ARPC1B: variants seen among roughly 807,000 people sequenced by gnomAD.
The protein encoded by ARPC1B is actin related protein 2/3 complex subunit 1B, also known as actin-related protein 2/3 complex subunit 1B.
ARPC1B carries 29 observed loss-of-function variants against 46.0 expected under a neutral mutation model. The ratio of observed to expected loss-of-function variants is 0.63; its 90% CI spans 0.47 to 0.86. The LOEUF (loss-of-function observed/expected upper bound fraction) is 0.86, where lower values mean the gene tolerates loss of function less well. Ranked by LOEUF, ARPC1B falls within the 40% of genes least tolerant of loss-of-function variation. The probability of loss-of-function intolerance (pLI) is 0.00; values close to 1 mark genes in which losing one functional copy is unlikely to be tolerated. For missense variants in ARPC1B, 469 were observed against 529.4 expected, an observed-to-expected ratio of 0.89 and a Z score of 1.12; for synonymous variants, 201 against 213.9, an observed-to-expected ratio of 0.94 and a Z score of 0.53.
Position 99,394,095 on chromosome 7 carries a change from C to CGGCATGAGTATCTGGGATGTGAA in ARPC1B, c.1059_1080+1dup, listed in dbSNP as rs1562819864. On this transcript the variant is annotated frameshift_variant, in exon 9 of 10. Coordinates refer to ENST00000646101, the MANE Select transcript of ARPC1B (RefSeq NM_005720.4). LOFTEE classifies it high-confidence loss of function. ...AGTTCTGCACCACTGGCATGGATGG[C>CGGCATGAGTATCTGGGATGTGAA]GGCATGAGTATCTGGGATGTGAAGG... The CGGCATGAGTATCTGGGATGTGAA allele has an allele frequency of 1.2e-6, 2 of 1,613,624 alleles. No homozygotes were observed. The highest frequency in any genetic ancestry group is 1.7e-6 in the Non-Finnish European group (2 of 1,180,022).
chr7:99,390,792 G>C, intron 5 of ARPC1B, 101 bp from the exon 6 acceptor site: 20 of 1,051,952 alleles, frequency 1.9e-5, no homozygotes, highest in Non-Finnish European at 2.8e-5. Flanking sequence ...TGACCTCCTG[G>C]GTTCAAGCAA....
At chr7:99,375,462 C>A (rs1219300041) in intron 1 of ARPC1B, among the ~76,000 whole-genome samples, 1 of 152,188 alleles carries the variant, frequency 6.6e-6, no homozygotes, top group Non-Finnish European at 1.5e-5. Flanking sequence ...GCGGCCAGGG[C>A]AGATCCGAGC....
chr7:99,382,745 G>T (rs1794265904), intron 1 of ARPC1B, among the ~76,000 whole-genome samples: 1 of 150,456 alleles, frequency 6.6e-6, no homozygotes. Flanking sequence ...AAGTACTGGG[G>T]TTACAGGCAT....
chr7:99,385,820 C>T, intron 2 of ARPC1B, 42 bp downstream of exon 2: 1 of 1,573,288 alleles, frequency 6.4e-7, no homozygotes, highest in Admixed American at 1.8e-5. Context: ...GCTTCCACCT[C>T]CTGGGATGGG....
chr7:99,392,811 G>T lies in ARPC1B; in HGVS notation c.924G>T (p.Lys308Asn). The T allele has an allele frequency of 6.5e-7, 1 of 1,550,200 alleles. No individual in the cohort carries two copies. The highest frequency in any genetic ancestry group is 8.7e-7 in the Non-Finnish European group (1 of 1,146,774). Residue 308 changes from lysine to asparagine, a missense_variant, in exon 8 of 10, where the codon AAG becomes AAT. Lys to Asn is a moderately conservative substitution (Grantham distance 94). Transcript: ENST00000646101. ...AGCGCTTCCAGAACCTGGACAAGAA[G>T]GCGAGCTCCGAGGGTGGCACGGCTG... ...ARERFQNLDK[K>N]ASSEGGTAAG...
intron 4 of ARPC1B, chr7:99,389,618 T>C: frequency 2.7e-6 from 1 of 364,708 alleles, no homozygotes; most frequent in Non-Finnish European, 5.1e-6. Flanking sequence ...GGCCAGTTAG[T>C]AGTTGTGTGA....
intron 8 of ARPC1B, 97 bp from the exon 9 acceptor site, chr7:99,393,932 C>A: frequency 1.6e-6 from 2 of 1,251,114 alleles, no homozygotes; most frequent in Non-Finnish European, 1.2e-6. Flanking sequence ...CACTAAAGCC[C>A]GCTCCCCAAG....
At chr7:99,381,293 AACAT>A (rs1250887484) in intron 1 of ARPC1B, among the ~76,000 whole-genome samples, 2 of 152,164 alleles carry the variant, frequency 1.3e-5, no homozygotes, top group Non-Finnish European at 2.9e-5. Flanking sequence ...TGCAAGGCTG[AACAT>A]ACATGTGTGC....
At chr7:99,379,098 C>G (rs1794129554) in intron 1 of ARPC1B, among the ~76,000 whole-genome samples, 1 of 152,260 alleles carries the variant, frequency 6.6e-6, no homozygotes, top group Non-Finnish European at 1.5e-5. Flanking sequence ...TTTCAAGTTC[C>G]TGTTAGTGTT....
intron 7 of ARPC1B, 83 bp from the exon 8 acceptor site, chr7:99,392,588 G>C (rs1397726298): frequency 7.9e-7 from 1 of 1,265,942 alleles, no homozygotes; most frequent in African/African-American, 1.6e-5. Flanking sequence ...TCTGCCTCCC[G>C]GGCGGCCAGA....
At chr7:99,380,230 T>C (rs1286814019) in intron 1 of ARPC1B, among the ~76,000 whole-genome samples, 1 of 152,150 alleles carries the variant, frequency 6.6e-6, no homozygotes, top group African/African-American at 2.4e-5. Context: ...CTAGAATCCC[T>C]GAGGCAGGAG....
chr7:99,392,891 C>G lies in ARPC1B; in HGVS notation c.989+15C>G, dbSNP rs1794616353. ...AACAGCGTCAGGTGAGAGCGGGAGCCGGGCCGGCGGGTGGGCGGGGCCTCG... is the reference window on the plus strand; with the variant it reads ...AACAGCGTCAGGTGAGAGCGGGAGCGGGGCCGGCGGGTGGGCGGGGCCTCG... On this transcript the variant is annotated intron_variant, in intron 8 of 9. Transcript: ENST00000646101. 2.0e-6 allele frequency: 3 copies of G among 1,524,426 alleles called. No individual in the cohort carries two copies. The East Asian group carries it at 7.5e-5, about 38-fold the overall frequency. The allele number at this position is 1,524,426 out of a possible 1,614,324, so 94.4% of individuals were successfully genotyped here.
chr7:99,392,319 T>G (rs1200071733), intron 7 of ARPC1B, among the ~76,000 whole-genome samples: 1 of 152,144 alleles, frequency 6.6e-6, no homozygotes, highest in East Asian at 1.9e-4. Context: ...GTCAAGTCCC[T>G]TTTCACCCCT....
chr7:99,385,983 G>A (rs1198807061), intron 2 of ARPC1B, among the ~76,000 whole-genome samples: 1 of 152,210 alleles, frequency 6.6e-6, no homozygotes, highest in Non-Finnish European at 1.5e-5. Context: ...AGTTGCGGTA[G>A]CTCATGCCTG....
Position 99,389,979 on chromosome 7 carries a change from T to C in ARPC1B, c.467T>C (p.Leu156Pro). Residue 156 changes from leucine (L) to proline (P), a missense_variant, in exon 5 of 10, where the codon CTG (leucine) becomes CCG (proline). By Grantham distance (98) the Leu-to-Pro change is moderately conservative. Transcript: ENST00000646101. Reference sequence around the variant, plus strand: ...CTGGACTGGCACCCCAACAATGTGCTGCTGGCTGCCGGCTCCTGTGACTTC... The same window carrying C: ...CTGGACTGGCACCCCAACAATGTGCCGCTGGCTGCCGGCTCCTGTGACTTC... ...LSLDWHPNNV[L>P]LAAGSCDFKC... The C allele has an allele frequency of 1.2e-6, 2 of 1,614,182 alleles. No individual in the cohort carries two copies. Among genetic ancestry groups the C allele is most frequent in the Non-Finnish European group, 1.7e-6 (2 of 1,180,024 alleles).
At chr7:99,376,377 C>T (rs1354259509) in intron 1 of ARPC1B, 3 of 152,216 alleles carry the variant, frequency 2.0e-5, no homozygotes, top group Admixed American at 6.5e-5. Flanking sequence ...AGACACCTGG[C>T]AGCGTGTCAG....
rs60206309 is a variant in ARPC1B, at chr7:99,385,145, G to A, written c.-13-557G>A. Among the ~76,000 whole-genome samples the A allele has an allele frequency of 4.6e-3, 695 of 151,586 alleles. 6 individuals are homozygous for A. The highest frequency in any genetic ancestry group is 0.016 in the African/African-American group (643 of 41,336). Reference sequence around the variant, plus strand: ...AATTTTTTGTAGTTTTAGTAAAGACGGAGTTTCACCATGTTGGCCAGGCTG... The same window carrying A: ...AATTTTTTGTAGTTTTAGTAAAGACAGAGTTTCACCATGTTGGCCAGGCTG... On this transcript the variant is annotated intron_variant, in intron 1 of 9. Coordinates refer to ENST00000646101, the MANE Select transcript of ARPC1B (RefSeq NM_005720.4).
intron 3 of ARPC1B, among the ~76,000 whole-genome samples, chr7:99,387,174 G>A (rs781071541): frequency 7.2e-5 from 11 of 152,232 alleles, no homozygotes; most frequent in Non-Finnish European, 1.2e-4. Flanking sequence ...GGGTGCAGTG[G>A]CTCATGCCTG....
intron 7 of ARPC1B, among the ~76,000 whole-genome samples, chr7:99,392,338 A>AT (rs898345890): frequency 6.6e-5 from 10 of 152,144 alleles, no homozygotes; most frequent in African/African-American, 2.2e-4. Context: ...CTCTGCAAAC[A>AT]TAATGGGGGT....
Sources: gnomAD v4.1 joint callset for allele counts (sites outside exome capture counted in the v4.1 genomes callset) on GRCh38, gnomAD v4.1.1 for gene constraint, MANE v1.5 for transcripts, NCBI Gene and HGNC (gene_info 2026-07-23, HGNC 2026-07-21) for gene names.